Variants in TESK2 observed in about 807,000 individuals in gnomAD.
The protein encoded by TESK2 is dual specificity testis-specific protein kinase 2.
A neutral mutation model predicts 57.1 loss-of-function variants in TESK2; 39 were observed. That is an observed-to-expected ratio of 0.68 (90% confidence interval 0.53 to 0.89). The LOEUF (loss-of-function observed/expected upper bound fraction) is 0.89, where lower values mean the gene tolerates loss of function less well. Ranked by LOEUF, TESK2 falls within the 40% of genes least tolerant of loss-of-function variation. TESK2 has a pLI of 0.00. For synonymous variants in TESK2, 249 were observed against 267.9 expected (o/e 0.93, Z 0.69); for missense variants, 646 against 732.1 (o/e 0.88, Z 1.36).
intron 2 of TESK2, among the ~76,000 whole-genome samples, chr1:45,426,504 A>C (rs1160362798): frequency 6.6e-6 from 1 of 152,198 alleles, no homozygotes; most frequent in Non-Finnish European, 1.5e-5. Context: ...TGAAACTACT[A>C]CAAGAAAACA....
intron 3 of TESK2, among the ~76,000 whole-genome samples, chr1:45,408,642 A>T (rs1026645216): frequency 2.6e-5 from 4 of 152,150 alleles, no homozygotes; most frequent in Non-Finnish European, 4.4e-5. Flanking sequence ...TTTTTAAAAA[A>T]CTGTCTTCCT....
At chr1:45,409,768 T>C (rs1649971280) in intron 3 of TESK2, among the ~76,000 whole-genome samples, 1 of 152,098 alleles carries the variant, frequency 6.6e-6, no homozygotes, top group Non-Finnish European at 1.5e-5. Context: ...GCTCAAGTGA[T>C]GGATGAATGG....
At chr1:45,482,675 G>A (rs1466534250) in intron 1 of TESK2, among the ~76,000 whole-genome samples, 10 of 151,726 alleles carry the variant, frequency 6.6e-5, no homozygotes, top group Non-Finnish European at 8.8e-5. Flanking sequence ...TAAGTTTTGC[G>A]GGAAGTCAAA....
At chr1:45,406,084 T>G (rs1351039318) in intron 3 of TESK2, among the ~76,000 whole-genome samples, 1 of 151,660 alleles carries the variant, frequency 6.6e-6, no homozygotes, top group African/African-American at 2.4e-5. Context: ...ACAAAAAAAT[T>G]ATCCCAGTGT....
chr1:45,385,710 G>GTGTATATATATATATATATATATATA (rs947905047), intron 4 of TESK2, among the ~76,000 whole-genome samples: 9 of 135,288 alleles, frequency 6.7e-5, no homozygotes, highest in African/African-American at 2.4e-4. Context: ...GTGTGTGTGT[G>GTGTATATATATATATATATATATATA]TATATATATA....
rs562457406 is a variant in TESK2 at position 45,344,768 on chromosome 1, G to C, written c.*72C>G. 10 of 1,397,524 alleles carry C rather than the reference G, an allele frequency of 7.2e-6. No individual in the cohort carries two copies. In the Admixed American group the frequency reaches 1.4e-4, roughly 19 times the overall value. The allele number at this position is 1,397,524 out of a possible 1,614,324, so 86.6% of individuals were successfully genotyped here. On this transcript the variant is annotated 3_prime_UTR_variant, in exon 11 of 11. Transcript: ENST00000372086. Reference sequence around the variant, plus strand: ...CTGTAGGCTCCAGGGAAGAATCAAGGCTGTGCACCTAGGGGGCCATATGGT... The same window carrying C: ...CTGTAGGCTCCAGGGAAGAATCAAGCCTGTGCACCTAGGGGGCCATATGGT...
At chr1:45,436,752 T>C (rs752921699) in intron 2 of TESK2, among the ~76,000 whole-genome samples, 17 of 151,330 alleles carry the variant, frequency 1.1e-4, no homozygotes, top group Non-Finnish European at 2.4e-4. Flanking sequence ...CCTCCCAAAG[T>C]GCTGGGATTA....
chr1:45,358,006 T>TAAAA (rs760610185), intron 4 of TESK2, among the ~76,000 whole-genome samples: 8 of 24,258 alleles, frequency 3.3e-4, no homozygotes, highest in African/African-American at 1.0e-3. Context: ...AAACTCCGTC[T>TAAAA]AAAAAAAAAA....
At position 45,360,792 on chromosome 1, in the gene TESK2, G is replaced by T. The variant is rs564338080; in HGVS notation, c.394-5343C>A. ...AAGACCTCTGCATGCATAAGAAAAG[G>T]AAATTTGAGATTTGTCAACAAGGAA... On this transcript the variant is annotated intron_variant, in intron 4 of 10. Coordinates refer to ENST00000372086, the MANE Select transcript of TESK2 (RefSeq NM_007170.3). 2.6e-5 allele frequency among the ~76,000 whole-genome samples: 4 copies of T among 152,270 alleles called. No individual in the cohort carries two copies. In the East Asian group the frequency reaches 7.7e-4, roughly 29 times the overall value.
chr1:45,458,543 C>T (rs890972132), intron 1 of TESK2, among the ~76,000 whole-genome samples: 5 of 144,888 alleles, frequency 3.5e-5, no homozygotes, highest in African/African-American at 1.3e-4. Context: ...CCAGCCTGGG[C>T]AACAGAGTGA....
rs759218943 is a variant in TESK2, at chr1:45,345,412, C to T, written c.1144G>A (p.Val382Ile). 11 of 1,614,020 alleles carry T rather than the reference C, an allele frequency of 6.8e-6. No homozygotes were observed. The highest frequency in any genetic ancestry group is 1.7e-5 in the Admixed American group (1 of 60,002). Residue 382 changes from valine to isoleucine, a missense_variant, in exon 11 of 11, where the codon GTC (valine) becomes ATC (isoleucine). Physicochemically the swap from Val to Ile is conservative, Grantham distance 29. Coordinates refer to ENST00000372086, the MANE Select transcript of TESK2 (RefSeq NM_007170.3). ...FSRKPPRTVS[V>I]LDPYYRPRDG... Reference sequence around the variant, plus strand: ...CGTGGCCGGTAGTATGGGTCCAAGACACTCACTGTACGTGGGGGCTTACGG... The same window carrying T: ...CGTGGCCGGTAGTATGGGTCCAAGATACTCACTGTACGTGGGGGCTTACGG...
At position 45,457,668 on chromosome 1, in the gene TESK2, G is replaced by C; in HGVS notation, c.118C>G (p.Pro40Ala). Residue 40 changes from proline (P) to alanine (A), a missense_variant, in exon 2 of 11, where the codon CCA becomes GCA. Physicochemically the swap from Pro to Ala is conservative, Grantham distance 27. Transcript: ENST00000372086. The part of the protein sequence containing the change: ...GNVSQVGRVW[P>A]SSYRALISAF... The stretch of plus-strand genomic sequence containing the variant: ...CTTATAAGAGCTCGATACGAAGATG[G>C]CCAAACTCTTCCCACCTGGCTCACA... 1 of 1,614,098 alleles carries C rather than the reference G, an allele frequency of 6.2e-7. No homozygotes were observed. Among genetic ancestry groups the C allele is most frequent in the Non-Finnish European group, 8.5e-7 (1 of 1,180,002 alleles).
intron 3 of TESK2, among the ~76,000 whole-genome samples, chr1:45,413,416 T>C (rs6657284): frequency 0.26 from 39,840 of 151,700 alleles, 5,322 homozygotes; most frequent in East Asian, 0.36. Context: ...AAGGTTCAGC[T>C]CACTCACTCC....
chr1:45,450,580 A>T (rs1012867284), intron 2 of TESK2, among the ~76,000 whole-genome samples: 8 of 152,158 alleles, frequency 5.3e-5, no homozygotes, highest in Non-Finnish European at 1.2e-4. Context: ...AAGTAATGGG[A>T]ATTGTCATAG....
chr1:45,440,903 C>G (rs911426369), intron 2 of TESK2, among the ~76,000 whole-genome samples: 3 of 152,196 alleles, frequency 2.0e-5, no homozygotes, highest in African/African-American at 7.2e-5. Flanking sequence ...GAACTTGAGG[C>G]CCTCAGTTCA....
chr1:45,436,403 G>A (rs958771829), intron 2 of TESK2, among the ~76,000 whole-genome samples: 1 of 146,418 alleles, frequency 6.8e-6, no homozygotes, highest in Non-Finnish European at 1.5e-5. Flanking sequence ...CAGGCTGGTC[G>A]CAAACTCCTG....
chr1:45,392,533 C>T (rs1329406191), intron 3 of TESK2, among the ~76,000 whole-genome samples: 2 of 152,032 alleles, frequency 1.3e-5, no homozygotes, highest in South Asian at 2.1e-4. Flanking sequence ...AAAACCCTGT[C>T]TCTACTAAAA....
At chr1:45,410,394 A>G (rs1027905799) in intron 3 of TESK2, among the ~76,000 whole-genome samples, 6 of 152,078 alleles carry the variant, frequency 3.9e-5, no homozygotes, top group African/African-American at 1.4e-4. Flanking sequence ...ACCTGAGGTT[A>G]GGAGTTCGAG....
intron 1 of TESK2, among the ~76,000 whole-genome samples, chr1:45,460,787 C>A (rs765698126): frequency 2.0e-5 from 3 of 152,050 alleles, no homozygotes; most frequent in Non-Finnish European, 2.9e-5. Context: ...ATTTTAAAAA[C>A]CAAATTTTCT....
Sources: allele counts gnomAD v4.1 joint callset (sites outside exome capture counted in the v4.1 genomes callset), GRCh38; gene constraint gnomAD v4.1.1; transcripts MANE v1.5; gene names NCBI Gene and HGNC (gene_info 2026-07-23, HGNC 2026-07-21).